Variants in TMOD3 observed in about 807,000 individuals in gnomAD.
TMOD3 encodes the protein tropomodulin 3.
TMOD3 carries 20 observed loss-of-function variants against 39.2 expected under a neutral mutation model. The observed-to-expected ratio is 0.51, with a 90% CI of 0.36 to 0.74. The LOEUF is 0.74. Among genes scored for constraint, TMOD3 ranks in the 30% least tolerant of loss-of-function variants. The pLI is 0.00. For synonymous variants in TMOD3, 143 were observed against 145.8 expected, an observed-to-expected ratio of 0.98 and a Z score of 0.14; for missense variants, 381 against 412.8, an observed-to-expected ratio of 0.92 and a Z score of 0.67.
chr15:51,891,436 A>G (rs1362130548), intron 5 of TMOD3, among the ~76,000 whole-genome samples: 2 of 152,112 alleles, frequency 1.3e-5, no homozygotes, highest in Non-Finnish European at 2.9e-5. Flanking sequence ...TTTTGGCAAG[A>G]ATGCTTCATG....
At chr15:51,848,147 T>C (rs1464532833) in intron 1 of TMOD3, among the ~76,000 whole-genome samples, 1 of 152,242 alleles carries the variant, frequency 6.6e-6, no homozygotes, top group Non-Finnish European at 1.5e-5. Flanking sequence ...GAGAAATAAA[T>C]TGCTGTGGTT....
At chr15:51,848,567 A>C (rs564668440) in intron 1 of TMOD3, among the ~76,000 whole-genome samples, 1 of 152,328 alleles carries the variant, frequency 6.6e-6, no homozygotes, top group African/African-American at 2.4e-5. Context: ...AGAAAAGGGA[A>C]TGTCAATTTG....
At chr15:51,894,036 T>G in intron 6 of TMOD3, 91 bp downstream of exon 6, 2 of 1,216,354 alleles carry the variant, frequency 1.6e-6, no homozygotes, top group Admixed American at 5.6e-5. Context: ...GTCTAATTCT[T>G]TCTACTTTAA....
intron 9 of TMOD3, chr15:51,907,238 A>C (rs2056686498): frequency 6.6e-6 from 1 of 152,198 alleles, no homozygotes; most frequent in South Asian, 2.1e-4. Flanking sequence ...AATTGGAATG[A>C]TACAGAGAAG....
chr15:51,872,533 C>A (rs568465674), intron 3 of TMOD3, among the ~76,000 whole-genome samples: 1 of 151,112 alleles, frequency 6.6e-6, no homozygotes, highest in African/African-American at 2.4e-5. Flanking sequence ...AACTTTATAT[C>A]GATGGAAACA....
intron 2 of TMOD3, among the ~76,000 whole-genome samples, chr15:51,866,861 A>G (rs2056449552): frequency 4.6e-5 from 7 of 152,188 alleles, no homozygotes; most frequent in Admixed American, 4.6e-4. Flanking sequence ...TAGGAATAGG[A>G]GCAGTTTGAC....
chr15:51,871,092 T>G (rs899022649), intron 3 of TMOD3, among the ~76,000 whole-genome samples: 9 of 152,162 alleles, frequency 5.9e-5, no homozygotes, highest in African/African-American at 2.4e-5. Flanking sequence ...AGAACAATGT[T>G]TGAGAAAATA....
intron 7 of TMOD3, among the ~76,000 whole-genome samples, chr15:51,898,083 A>G (rs1055346428): frequency 3.3e-4 from 51 of 152,348 alleles, no homozygotes; most frequent in African/African-American, 1.2e-3. Context: ...ATAACCCTCT[A>G]GCAGCTTCCC....
intron 4 of TMOD3, among the ~76,000 whole-genome samples, chr15:51,888,628 G>A (rs2570224): frequency 0.46 from 69,215 of 152,050 alleles, 15,986 homozygotes; most frequent in Admixed American, 0.53. Context: ...TACAGTCCAA[G>A]TGTAAATTAA....
intron 5 of TMOD3, among the ~76,000 whole-genome samples, chr15:51,891,103 C>T (rs1007745092): frequency 6.6e-6 from 1 of 152,090 alleles, no homozygotes; most frequent in Non-Finnish European, 1.5e-5. Context: ...TCATGTAATA[C>T]CCAGTCTGTG....
chr15:51,843,318 C>A (rs1009854674), intron 1 of TMOD3, among the ~76,000 whole-genome samples: 1 of 152,154 alleles, frequency 6.6e-6, no homozygotes, highest in Admixed American at 6.5e-5. Context: ...CTTTGGATAT[C>A]TGTGAGGCCC....
intron 2 of TMOD3, among the ~76,000 whole-genome samples, chr15:51,868,699 CGGT>C (rs745432066): frequency 2.6e-5 from 4 of 152,142 alleles, no homozygotes; most frequent in Non-Finnish European, 4.4e-5. Context: ...ATGCTGGGCG[CGGT>C]GGCTCACACC....
rs1009278657 is a variant in TMOD3, at chr15:51,914,056, G to C, written c.*5246G>C. 2 of 150,912 alleles carry C rather than the reference G, an allele frequency of 1.3e-5. No individual in the cohort carries two copies. The highest frequency in any genetic ancestry group is 4.9e-5 in the African/African-American group (2 of 41,050). 9.3% of individuals were successfully genotyped at this position (150,912 alleles called of 1,614,324 possible). On this transcript the variant is annotated 3_prime_UTR_variant, in exon 10 of 10. Transcript: ENST00000308580. ...AAAGAGCTATACTCATAGTACTTTG[G>C]GAGACCAAGCAGGGAGGATTACTTG... is the stretch of plus-strand genomic sequence containing the variant.
At chr15:51,862,076 T>C (rs2056422169) in intron 1 of TMOD3, among the ~76,000 whole-genome samples, 1 of 152,144 alleles carries the variant, frequency 6.6e-6, no homozygotes, top group Non-Finnish European at 1.5e-5. Flanking sequence ...ATATGCCAAC[T>C]TCTGTGTCTC....
At chr15:51,831,548 G>C (rs1049911898) in intron 1 of TMOD3, among the ~76,000 whole-genome samples, 6 of 152,122 alleles carry the variant, frequency 3.9e-5, no homozygotes, top group Admixed American at 3.9e-4. Flanking sequence ...AATTTTAGAG[G>C]TATTTTCAGG....
chr15:51,869,359 C>G lies in TMOD3; in HGVS notation c.269C>G (p.Thr90Ser), dbSNP rs750985666. 1.7e-5 allele frequency: 27 copies of G among 1,609,600 alleles called. No individual in the cohort carries two copies. The highest frequency in any genetic ancestry group is 2.2e-5 in the Non-Finnish European group (26 of 1,178,850). ...HKDREDYVPY[T>S]GEKKGKIFIP... ...GACAGGGAAGACTATGTGCCCTACA[C>G]TGGAGAAAAAAAAGGTAAGCCCCAG... is the stretch of plus-strand genomic sequence containing the variant. The change falls in exon 3 of 10, where the codon ACT (threonine) becomes AGT (serine). Residue 90 changes from threonine to serine, a missense_variant. By Grantham distance (58) the Thr-to-Ser change is moderately conservative (BLOSUM62 1). Coordinates refer to ENST00000308580, the MANE Select transcript of TMOD3 (RefSeq NM_014547.5).
Position 51,832,203 on chromosome 15 carries a change from T to TTATATATATATATATA in TMOD3, c.-75+2381_-75+2396dup, listed in dbSNP as rs3985812. ...TGTCTCTCTAAAAAAAGAAAAAAAA[T>TTATATATATATATATA]TATATATATATATATATATATATAT... On this transcript the variant is annotated intron_variant, in intron 1 of 9. Transcript: ENST00000308580. Among the ~76,000 whole-genome samples, 338 of 79,288 alleles carry TTATATATATATATATA rather than the reference T, an allele frequency of 4.3e-3. 27 individuals are homozygous for TTATATATATATATATA. Among genetic ancestry groups the TTATATATATATATATA allele is most frequent in the Admixed American group, 7.0e-3 (44 of 6,318 alleles). The allele number at this position is 79,288 out of a possible 152,430, so 52.0% of individuals were successfully genotyped here. A position where few individuals can be genotyped will look rare whatever the true frequency, so the allele number is the denominator to read the frequency against.
intron 1 of TMOD3, among the ~76,000 whole-genome samples, chr15:51,832,230 T>TATATATATATATATATATA (rs1450593296): frequency 2.9e-4 from 39 of 136,612 alleles, no homozygotes; most frequent in African/African-American, 1.1e-3. Context: ...TATATATATA[T>TATATATATATATATATATA]ATGAATGACA....
chr15:51,846,166 A>AAT (rs386382986), intron 1 of TMOD3, among the ~76,000 whole-genome samples: 3 of 151,184 alleles, frequency 2.0e-5, no homozygotes, highest in Non-Finnish European at 4.4e-5. Context: ...AAAAAAAAAA[A>AAT]ATACAAAAAT....
Sources: allele counts gnomAD v4.1 joint callset (sites outside exome capture counted in the v4.1 genomes callset), GRCh38; gene constraint gnomAD v4.1.1; transcripts MANE v1.5; gene names NCBI Gene and HGNC (gene_info 2026-07-23, HGNC 2026-07-21).